The following ADGRB1 variants were observed in gnomAD, a reference collection of about 807,000 sequenced individuals.
ADGRB1 encodes brain-specific angiogenesis inhibitor 1.
ADGRB1 carries 36 observed loss-of-function variants against 175.7 expected under a neutral mutation model. The observed-to-expected ratio is 0.20, with a 90% CI of 0.16 to 0.27. The LOEUF is 0.27. Ranked by LOEUF, ADGRB1 falls within the 10% of genes least tolerant of loss-of-function variation. ADGRB1 has a pLI of 1.00. For missense variants in ADGRB1, 1,731 were observed against 2,255.3 expected, an observed-to-expected ratio of 0.77 and a Z score of 4.71; for synonymous variants, 1,054 against 979.4, an observed-to-expected ratio of 1.08 and a Z score of -1.42.
At chr8:142,473,855 C>A (rs1052283716) in intron 2 of ADGRB1, among the ~76,000 whole-genome samples, 1 of 152,234 alleles carries the variant, frequency 6.6e-6, no homozygotes, top group Non-Finnish European at 1.5e-5. Flanking sequence ...GCCCCTGGCA[C>A]CCCCTGCTGG....
At chr8:142,532,673 C>T (rs368983247) in intron 24 of ADGRB1, among the ~76,000 whole-genome samples, 149 of 152,262 alleles carry the variant, frequency 9.8e-4, no homozygotes, top group African/African-American at 3.2e-3. Context: ...CTAAGCTTCT[C>T]TCTCTCCAGG....
At chr8:142,509,108 C>G (rs1296224344) in intron 17 of ADGRB1, among the ~76,000 whole-genome samples, 1 of 152,226 alleles carries the variant, frequency 6.6e-6, no homozygotes, top group Non-Finnish European at 1.5e-5. Context: ...CGGCTCACAG[C>G]ATGTCCCTTC....
chr8:142,451,018 C>T (rs1839315976), intron 1 of ADGRB1, among the ~76,000 whole-genome samples: 1 of 152,288 alleles, frequency 6.6e-6, no homozygotes, highest in East Asian at 1.9e-4. Flanking sequence ...CTTGGAGCCG[C>T]GCGGAGCTGC....
At chr8:142,515,295 G>A (rs989030149) in intron 18 of ADGRB1, among the ~76,000 whole-genome samples, 9 of 152,316 alleles carry the variant, frequency 5.9e-5, no homozygotes, top group South Asian at 2.1e-4. Flanking sequence ...GCCTCCCCTC[G>A]GCGTGAGTTG....
intron 17 of ADGRB1, among the ~76,000 whole-genome samples, chr8:142,499,848 C>T (rs1842405561): frequency 6.6e-6 from 1 of 152,184 alleles, no homozygotes; most frequent in African/African-American, 2.4e-5. Context: ...CTGCCAGGAG[C>T]TTGGAAGAGC....
In ADGRB1 at chr8:142,462,514, A is replaced by T. The variant is rs550506029; in HGVS notation, c.-219-1466A>T. ...TCCCATGGGCTCAGAGCCTCTGCTC[A>T]GGCTGGGGCCAGACCTCGAGGCTGC... is the stretch of plus-strand genomic sequence containing the variant. On this transcript the variant is annotated intron_variant, in intron 1 of 30. Transcript: ENST00000517894. Among the ~76,000 whole-genome samples the T allele has an allele frequency of 3.3e-5, 5 of 152,362 alleles. No homozygotes were observed. The South Asian group carries it at 8.3e-4, about 25-fold the overall frequency.
chr8:142,475,631 C>T lies in ADGRB1; in HGVS notation c.942C>T (p.Cys314=), dbSNP rs764547554. ...EEGRQCNREA[C]GPAGRTSSRS... The stretch of plus-strand genomic sequence containing the variant: ...GTCGCCAGTGCAACCGCGAGGCCTG[C>T]GGCCGTGAGTGCGGGCGGGGCGGGG... The change falls in exon 3 of 31, where the codon TGC becomes TGT. Residue 314 remains cysteine (C), a synonymous_variant. Coordinates refer to ENST00000517894, the MANE Select transcript of ADGRB1 (RefSeq NM_001702.3). The T allele has an allele frequency of 1.2e-5, 14 of 1,209,982 alleles. No homozygotes were observed. The East Asian group carries it at 3.7e-4, about 32-fold the overall frequency. The allele number at this position is 1,209,982 out of a possible 1,614,324, so 75.0% of individuals were successfully genotyped here. A position where few individuals can be genotyped will look rare whatever the true frequency, so the allele number is the denominator to read the frequency against.
chr8:142,517,431 TC>T (rs1195897234), intron 18 of ADGRB1, among the ~76,000 whole-genome samples: 5 of 152,000 alleles, frequency 3.3e-5, no homozygotes, highest in Non-Finnish European at 7.4e-5. Flanking sequence ...GCTGATCACC[TC>T]CCCCATGCCG....
intron 19 of ADGRB1, among the ~76,000 whole-genome samples, chr8:142,519,813 G>A (rs1163913520): frequency 6.6e-6 from 1 of 151,350 alleles, no homozygotes; most frequent in Non-Finnish European, 1.5e-5. Context: ...GATGGTGTTG[G>A]TGCTGGTGCT....
intron 2 of ADGRB1, among the ~76,000 whole-genome samples, chr8:142,469,520 C>T (rs1209419312): frequency 1.6e-5 from 2 of 125,410 alleles, no homozygotes; most frequent in African/African-American, 3.0e-5. Context: ...TGTGTATGCA[C>T]GTGCATGTGT....
In ADGRB1 at chr8:142,544,640, G is replaced by A. The variant is rs1316695928; in HGVS notation, c.*223G>A. 1.5e-5 allele frequency: 7 copies of A among 456,934 alleles called. No homozygotes were observed. Among genetic ancestry groups the A allele is most frequent in the East Asian group, 1.2e-4 (3 of 24,568 alleles). 28.3% of individuals were successfully genotyped at this position (456,934 alleles called of 1,614,324 possible). A position where few individuals can be genotyped will look rare whatever the true frequency, so the allele number is the denominator to read the frequency against. On this transcript the variant is annotated 3_prime_UTR_variant, in exon 31 of 31. Transcript: ENST00000517894. ...CAGCGGGCACAGGGCACCAGAGGCC[G>A]AAGGTGCCTCAGACTCCGCCCTCCT...
At position 142,544,800 on chromosome 8, in the gene ADGRB1, C is replaced by A. The variant is rs776213712; in HGVS notation, c.*383C>A. On this transcript the variant is annotated 3_prime_UTR_variant, in exon 31 of 31. Coordinates refer to ENST00000517894, the MANE Select transcript of ADGRB1 (RefSeq NM_001702.3). ...CTGCTTGGCCCGGCCGGCCTGGCAC[C>A]GTTTTTTAAACACCCCCATCCCTCG... 1 of 163,258 alleles carries A rather than the reference C, an allele frequency of 6.1e-6. No individual in the cohort carries two copies. Among genetic ancestry groups the A allele is most frequent in the African/African-American group, 2.4e-5 (1 of 41,944 alleles). The allele number at this position is 163,258 out of a possible 1,614,324, so 10.1% of individuals were successfully genotyped here. A position where few individuals can be genotyped will look rare whatever the true frequency, so the allele number is the denominator to read the frequency against.
rs1309196117 is a variant in ADGRB1, at chr8:142,542,398, C to G, written c.4164C>G (p.Leu1388=). ...IHLSTAPEAS[L]PARSPPSRQP... ...TCAGCACGGCCCCCGAGGCCAGCCT[C>G]CCCGCCCGCAGCCCGCCCTCCCGCC... Residue 1388 remains leucine (L), a synonymous_variant, in exon 28 of 31, where the codon CTC becomes CTG. Transcript: ENST00000517894. The surrounding 1 kb of genome is among the most constrained non-coding windows in gnomAD (Gnocchi z 6.3). The G allele has an allele frequency of 6.5e-7, 1 of 1,548,628 alleles. No individual in the cohort carries two copies. The highest frequency in any genetic ancestry group is 1.2e-5 in the South Asian group (1 of 84,252).
intron 27 of ADGRB1, chr8:142,539,726 A>C (rs1475365904): frequency 3.8e-6 from 2 of 521,358 alleles, no homozygotes; most frequent in Non-Finnish European, 6.9e-6. Flanking sequence ...TGCCCACCTG[A>C]CATCTCTTCC....
intron 1 of ADGRB1, among the ~76,000 whole-genome samples, chr8:142,462,323 C>T (rs1396786570): frequency 1.3e-5 from 2 of 152,258 alleles, no homozygotes; most frequent in African/African-American, 4.8e-5. Flanking sequence ...CTTCCTGCAG[C>T]CCCCTGGCTA....
rs1472285692 is a variant in ADGRB1, at chr8:142,510,510, C to A, written c.2676-422C>A. 6.6e-6 allele frequency among the ~76,000 whole-genome samples: 1 copy of A among 150,892 alleles called. No homozygotes were observed. Among genetic ancestry groups the A allele is most frequent in the East Asian group, 2.0e-4 (1 of 5,030 alleles). ...AGGCCACACCCGGCTCGCACCCTCCCCGCTCCACGTGCGCCCACGCGCCCC... is the reference window on the plus strand; with the variant it reads ...AGGCCACACCCGGCTCGCACCCTCCACGCTCCACGTGCGCCCACGCGCCCC... On this transcript the variant is annotated intron_variant, in intron 17 of 30. Coordinates refer to ENST00000517894, the MANE Select transcript of ADGRB1 (RefSeq NM_001702.3). The surrounding 1 kb of genome is among the most constrained non-coding windows in gnomAD (Gnocchi z 6.3).
intron 17 of ADGRB1, among the ~76,000 whole-genome samples, chr8:142,494,981 T>C (rs866042525): frequency 1.3e-5 from 2 of 152,088 alleles, no homozygotes; most frequent in Non-Finnish European, 1.5e-5. Flanking sequence ...GTGTCTCTAC[T>C]GGAGTGGGGT....
chr8:142,513,103 C>G (rs906197609), intron 18 of ADGRB1, among the ~76,000 whole-genome samples: 2 of 152,206 alleles, frequency 1.3e-5, no homozygotes, highest in African/African-American at 2.4e-5. Context: ...AGGATGCCAG[C>G]AGGCATGTTG....
intron 18 of ADGRB1, among the ~76,000 whole-genome samples, 198 bp from the exon 19 acceptor site, chr8:142,517,940 G>T (rs527261517): frequency 6.6e-6 from 1 of 151,444 alleles, no homozygotes; most frequent in East Asian, 2.0e-4. Context: ...GCACAGCCCC[G>T]AAAGGGAGTT....
Sources: gnomAD v4.1 joint callset for allele counts (sites outside exome capture counted in the v4.1 genomes callset) on GRCh38, gnomAD v4.1.1 for gene constraint, Gnocchi (gnomAD v3.1) non-coding constraint, MANE v1.5 for transcripts, NCBI Gene and HGNC (gene_info 2026-07-23, HGNC 2026-07-21) for gene names.